FGF14: variants seen among roughly 807,000 people sequenced by gnomAD.
FGF14 encodes fibroblast growth factor 14.
FGF14 carries 5 observed loss-of-function variants against 25.5 expected under a neutral mutation model. The ratio of observed to expected loss-of-function variants is 0.20; its 90% confidence interval spans 0.10 to 0.41. FGF14 has a LOEUF of 0.41. Among genes scored for constraint, FGF14 ranks in the 10% least tolerant of loss-of-function variants. The probability of loss-of-function intolerance (pLI) is 1.00; values close to 1 mark genes in which losing one functional copy is unlikely to be tolerated. For missense variants in FGF14, 222 were observed against 320.1 expected (o/e 0.69, Z 2.34); for synonymous variants, 138 against 118.3 (o/e 1.17, Z -1.08).
chr13:101,771,043 A>C (rs1427734694), intron 3 of FGF14, among the ~76,000 whole-genome samples: 2 of 152,156 alleles, frequency 1.3e-5, no homozygotes, highest in Non-Finnish European at 2.9e-5. Flanking sequence ...TTTTCAATCT[A>C]GTAAAATCAA....
chr13:101,814,296 G>GA (rs991247296), intron 3 of FGF14, among the ~76,000 whole-genome samples: 140 of 151,978 alleles, frequency 9.2e-4, no homozygotes, highest in African/African-American at 3.3e-3. Context: ...CACTGGAGCT[G>GA]AAAAAAAATG....
chr13:101,844,015 A>G (rs2043323295), intron 3 of FGF14, among the ~76,000 whole-genome samples: 1 of 152,022 alleles, frequency 6.6e-6, no homozygotes, highest in Non-Finnish European at 1.5e-5. Context: ...TGTGGACAAG[A>G]TAGAAAGTGA....
intron 1 of FGF14, among the ~76,000 whole-genome samples, chr13:102,322,248 G>A (rs529389890): frequency 4.6e-5 from 7 of 152,296 alleles, no homozygotes; most frequent in South Asian, 2.1e-4. Flanking sequence ...AATGCTTGCC[G>A]TGAAGCATCT....
chr13:101,731,054 G>A (rs1218205600), intron 3 of FGF14, among the ~76,000 whole-genome samples: 3 of 152,124 alleles, frequency 2.0e-5, no homozygotes, highest in Non-Finnish European at 4.4e-5. Flanking sequence ...TCAACCTTGA[G>A]TGGGTCAAGG....
At chr13:102,262,774 T>G (rs1056122270) in intron 1 of FGF14, among the ~76,000 whole-genome samples, 1 of 152,230 alleles carries the variant, frequency 6.6e-6, no homozygotes, top group African/African-American at 2.4e-5. Context: ...CCTTATTTTA[T>G]TGCTTTTATT....
intron 3 of FGF14, among the ~76,000 whole-genome samples, chr13:101,800,861 C>A (rs2040832080): frequency 1.3e-5 from 2 of 152,136 alleles, no homozygotes; most frequent in Admixed American, 1.3e-4. Context: ...TCTAACAGAA[C>A]TTTATTTACA....
chr13:101,821,100 T>A (rs6491650), intron 3 of FGF14, among the ~76,000 whole-genome samples: 4 of 146,852 alleles, frequency 2.7e-5, no homozygotes, highest in South Asian at 4.6e-4. Context: ...AGGCGCCCGC[T>A]ACCACGCCGG....
chr13:102,270,829 G>C (rs1286996926), intron 1 of FGF14, among the ~76,000 whole-genome samples: 4 of 152,106 alleles, frequency 2.6e-5, no homozygotes, highest in African/African-American at 9.7e-5. Context: ...CCTTTGTCAT[G>C]TTTGTAGCAA....
chr13:101,957,102 A>C (rs1386818041), intron 1 of FGF14, among the ~76,000 whole-genome samples: 1 of 152,194 alleles, frequency 6.6e-6, no homozygotes, highest in Non-Finnish European at 1.5e-5. Context: ...AACTTCAAGG[A>C]GGGCCTATCT....
Position 101,820,902 on chromosome 13 carries a change from C to G in FGF14, c.408+47823G>C, listed in dbSNP as rs1047711582. On this transcript the variant is annotated intron_variant, in intron 3 of 4. Coordinates refer to ENST00000376143, the MANE Select transcript of FGF14 (RefSeq NM_004115.4). ...CTTGTGCTTCTTTTTAGTCCAGTCT[C>G]CCCCGAGAGGTAACTACTATTCTGA... is the stretch of plus-strand genomic sequence containing the variant. Among the ~76,000 whole-genome samples the G allele has an allele frequency of 2.0e-5, 3 of 151,588 alleles. No individual in the cohort carries two copies. In the East Asian group the frequency reaches 5.8e-4, roughly 29 times the overall value.
At chr13:101,843,520 T>C (rs2043297259) in intron 3 of FGF14, among the ~76,000 whole-genome samples, 1 of 152,016 alleles carries the variant, frequency 6.6e-6, no homozygotes, top group East Asian at 1.9e-4. Context: ...TGGTTGACTT[T>C]GAGTAACTTA....
chr13:102,327,661 C>T (rs1482498509), intron 1 of FGF14, among the ~76,000 whole-genome samples: 2 of 151,740 alleles, frequency 1.3e-5, no homozygotes, highest in Non-Finnish European at 2.9e-5. Flanking sequence ...ATAGTGAGAC[C>T]CTGCCTCTAC....
intron 1 of FGF14, among the ~76,000 whole-genome samples, chr13:102,247,770 C>T (rs2051955193): frequency 6.6e-6 from 1 of 152,102 alleles, no homozygotes; most frequent in Non-Finnish European, 1.5e-5. Context: ...CATCGCTCTA[C>T]CATAATGGCA....
intron 1 of FGF14, among the ~76,000 whole-genome samples, chr13:102,221,507 G>A (rs1326965380): frequency 1.3e-5 from 2 of 152,074 alleles, no homozygotes. Flanking sequence ...ACTTGAGAGG[G>A]AGAAATTTCT....
At chr13:101,943,655 G>A (rs545273618) in intron 1 of FGF14, among the ~76,000 whole-genome samples, 21 of 152,040 alleles carry the variant, frequency 1.4e-4, no homozygotes, top group African/African-American at 4.3e-4. Context: ...CACAAACTCC[G>A]TAAGCCTCTC....
At chr13:102,068,871 G>A (rs991804118) in intron 1 of FGF14, among the ~76,000 whole-genome samples, 1 of 152,208 alleles carries the variant, frequency 6.6e-6, no homozygotes, top group Admixed American at 6.5e-5. Flanking sequence ...CACAGGGCGT[G>A]GGCTGGCAGG....
chr13:101,839,337 T>C (rs927231824), intron 3 of FGF14, among the ~76,000 whole-genome samples: 1 of 152,034 alleles, frequency 6.6e-6, no homozygotes, highest in Non-Finnish European at 1.5e-5. Context: ...GAGAAAAGTC[T>C]TGGATTTTAA....
chr13:102,237,450 G>T (rs1330556057), intron 1 of FGF14, among the ~76,000 whole-genome samples: 2 of 152,156 alleles, frequency 1.3e-5, no homozygotes, highest in East Asian at 3.9e-4. Context: ...TGCGAGGGGC[G>T]CATGCCCAGC....
intron 3 of FGF14, among the ~76,000 whole-genome samples, chr13:101,842,119 G>C (rs551332239): frequency 6.6e-6 from 1 of 152,072 alleles, no homozygotes; most frequent in Admixed American, 6.6e-5. Context: ...AATCTTTGCT[G>C]AAGTATTTTA....
Sources: gnomAD v4.1 joint callset for allele counts (sites outside exome capture counted in the v4.1 genomes callset) on GRCh38, gnomAD v4.1.1 for gene constraint, MANE v1.5 for transcripts, NCBI Gene and HGNC (gene_info 2026-07-23, HGNC 2026-07-21) for gene names.